Variants in IP6K1 observed in about 807,000 individuals in gnomAD.
IP6K1 encodes the protein inositol hexakisphosphate kinase 1.
In IP6K1, 13 loss-of-function variants were observed where a neutral mutation model predicts 38.3. That is an observed-to-expected ratio of 0.34 (90% CI 0.22 to 0.54). IP6K1 has a LOEUF of 0.54. Among genes scored for constraint, IP6K1 ranks in the 20% least tolerant of loss-of-function variants. The pLI is 0.92. For missense variants in IP6K1, 397 were observed against 599.8 expected, an observed-to-expected ratio of 0.66 and a Z score of 3.53; for synonymous variants, 212 against 229.9, an observed-to-expected ratio of 0.92 and a Z score of 0.70.
At chr3:49,729,910 T>TG (rs1235650485) in intron 4 of IP6K1, among the ~76,000 whole-genome samples, 1 of 151,940 alleles carries the variant, frequency 6.6e-6, no homozygotes, top group Non-Finnish European at 1.5e-5. Flanking sequence ...TTATTTTTTT[T>TG]GAGACAGAGT....
chr3:49,726,943 T>C lies in IP6K1; in HGVS notation c.*179A>G. The C allele has an allele frequency of 1.6e-6, 1 of 633,370 alleles. No individual in the cohort carries two copies. Among genetic ancestry groups the C allele is most frequent in the Non-Finnish European group, 2.6e-6 (1 of 379,102 alleles). The allele number at this position is 633,370 out of a possible 1,614,324, so 39.2% of individuals were successfully genotyped here. On this transcript the variant is annotated 3_prime_UTR_variant, in exon 6 of 6. Coordinates refer to ENST00000321599, the MANE Select transcript of IP6K1 (RefSeq NM_153273.4). ...AGCCTGGCTGAGAGGGCGTGTGGTC[T>C]GCCCTCCTTCACTTTATATATATGG...
intron 1 of IP6K1, among the ~76,000 whole-genome samples, chr3:49,755,226 C>T (rs759303869): frequency 4.0e-5 from 6 of 151,808 alleles, no homozygotes; most frequent in African/African-American, 1.5e-4. Flanking sequence ...CATGAGCCAC[C>T]ATGCCCAGCC....
chr3:49,770,535 C>T (rs999035731), intron 1 of IP6K1, among the ~76,000 whole-genome samples: 11 of 151,998 alleles, frequency 7.2e-5, no homozygotes, highest in Admixed American at 1.3e-4. Context: ...GTCTTAGCTA[C>T]GCGGGAGGCT....
Position 49,725,653 on chromosome 3 carries a change from G to A in IP6K1, c.*1469C>T, listed in dbSNP as rs2080493272. The A allele has an allele frequency of 6.5e-6, 1 of 152,832 alleles. No individual in the cohort carries two copies. Among genetic ancestry groups the A allele is most frequent in the East Asian group, 1.9e-4 (1 of 5,184 alleles). The allele number at this position is 152,832 out of a possible 1,614,324, so 9.5% of individuals were successfully genotyped here. A position where few individuals can be genotyped will look rare whatever the true frequency, so the allele number is the denominator to read the frequency against. ...GCTCAAAGGAGAGGGTGCTAACCTTGGCAATGGCTGAAATCGGTGTCACCT... is the reference window on the plus strand; with the variant it reads ...GCTCAAAGGAGAGGGTGCTAACCTTAGCAATGGCTGAAATCGGTGTCACCT... On this transcript the variant is annotated 3_prime_UTR_variant, in exon 6 of 6. Transcript: ENST00000321599.
chr3:49,758,060 A>G (rs1352232222), intron 1 of IP6K1, among the ~76,000 whole-genome samples: 1 of 152,172 alleles, frequency 6.6e-6, no homozygotes, highest in Non-Finnish European at 1.5e-5. Flanking sequence ...CTGCAATCCC[A>G]GCACTTTGGG....
At chr3:49,747,019 C>T (rs769561154) in intron 2 of IP6K1, among the ~76,000 whole-genome samples, 7 of 152,040 alleles carry the variant, frequency 4.6e-5, no homozygotes, top group Non-Finnish European at 8.8e-5. Flanking sequence ...AAATTATACA[C>T]TTTAAAATGG....
Position 49,726,977 on chromosome 3 carries a change from C to G in IP6K1, c.*145G>C. 1 of 837,802 alleles carries G rather than the reference C, an allele frequency of 1.2e-6. No individual in the cohort carries two copies. The highest frequency in any genetic ancestry group is 1.8e-6 in the Non-Finnish European group (1 of 542,260). The allele number at this position is 837,802 out of a possible 1,614,324, so 51.9% of individuals were successfully genotyped here. On this transcript the variant is annotated 3_prime_UTR_variant, in exon 6 of 6. Transcript: ENST00000321599. Reference sequence around the variant, plus strand: ...TCACTTTATATATATGGATTCCAGGCTACAGCTAAAAACATTTCTTTTAGT... The same window carrying G: ...TCACTTTATATATATGGATTCCAGGGTACAGCTAAAAACATTTCTTTTAGT...
intron 1 of IP6K1, among the ~76,000 whole-genome samples, chr3:49,757,075 A>G (rs1448842420): frequency 6.6e-6 from 1 of 152,218 alleles, no homozygotes; most frequent in Non-Finnish European, 1.5e-5. Context: ...ACAAAACCAC[A>G]GAGCACTTAA....
chr3:49,746,910 G>T (rs2080725602), intron 2 of IP6K1, among the ~76,000 whole-genome samples: 1 of 152,094 alleles, frequency 6.6e-6, no homozygotes, highest in South Asian at 2.1e-4. Context: ...TGGAAGAATG[G>T]GGAGTTATTA....
chr3:49,772,024 G>A (rs191168799), intron 1 of IP6K1, among the ~76,000 whole-genome samples: 2 of 151,824 alleles, frequency 1.3e-5, no homozygotes, highest in Non-Finnish European at 2.9e-5. Context: ...GACCAACCTG[G>A]GCAACATGGC....
At chr3:49,774,166 G>A (rs539881060) in intron 1 of IP6K1, among the ~76,000 whole-genome samples, 8 of 152,146 alleles carry the variant, frequency 5.3e-5, no homozygotes, top group Admixed American at 5.2e-4. Flanking sequence ...AGCACTTTGG[G>A]AGGCCAAGGC....
chr3:49,743,792 G>C (rs2080695734), intron 2 of IP6K1, among the ~76,000 whole-genome samples: 1 of 151,792 alleles, frequency 6.6e-6, no homozygotes, highest in Admixed American at 6.6e-5. Flanking sequence ...ACTAAGTTTT[G>C]TATTTTTAGT....
intron 1 of IP6K1, among the ~76,000 whole-genome samples, chr3:49,774,324 C>T (rs1341517328): frequency 1.4e-5 from 2 of 139,646 alleles, no homozygotes; most frequent in South Asian, 4.6e-4. Context: ...AGGAGAATGG[C>T]GTGAACCCAG....
Position 49,727,535 on chromosome 3 carries a change from G to A in IP6K1, c.913C>T (p.Arg305Cys), listed in dbSNP as rs2080520019. The change falls in exon 6 of 6, where the codon CGT becomes TGT. Residue 305 changes from arginine to cysteine, a missense_variant. This residue lies in a region of IP6K1 where 164 missense variants were observed against 213.5 expected (regional missense o/e 0.77). Coordinates refer to ENST00000321599, the MANE Select transcript of IP6K1 (RefSeq NM_153273.4). This position sits in a 1 kb window ranked among gnomAD's most constrained non-coding sequence, Gnocchi z 5.9. Reference protein sequence around the residue: ...QYLHNGLDLRRDLFEPILSKL... With the variant: ...QYLHNGLDLRCDLFEPILSKL... ...CTCAGGATAGGCTCAAACAGGTCAC[G>A]TCGCAGGTCCAGGCCATTGTGCAGA... The A allele has an allele frequency of 8.7e-6, 14 of 1,614,180 alleles. No homozygotes were observed. The East Asian group carries it at 1.6e-4, about 18-fold the overall frequency.
At chr3:49,741,847 T>A (rs2080671444) in intron 2 of IP6K1, among the ~76,000 whole-genome samples, 1 of 152,148 alleles carries the variant, frequency 6.6e-6, no homozygotes, top group African/African-American at 2.4e-5. Context: ...ATTACAACCA[T>A]CAGAACTGGG....
intron 1 of IP6K1, among the ~76,000 whole-genome samples, chr3:49,756,817 C>CAA (rs59808252): frequency 2.3e-5 from 3 of 133,262 alleles, no homozygotes; most frequent in African/African-American, 8.7e-5. Context: ...AACTCCATCT[C>CAA]AAAAAAAAAA....
chr3:49,734,801 C>T (rs1024959104), intron 3 of IP6K1, among the ~76,000 whole-genome samples: 4 of 152,158 alleles, frequency 2.6e-5, no homozygotes, highest in African/African-American at 9.7e-5. Flanking sequence ...CTGGATGAAG[C>T]CCCCACGGTA....
chr3:49,731,039 C>T (rs1423093161), intron 4 of IP6K1, among the ~76,000 whole-genome samples: 1 of 151,426 alleles, frequency 6.6e-6, no homozygotes, highest in African/African-American at 2.4e-5. Flanking sequence ...CAATTTGAAA[C>T]CAGTGAATGA....
intron 3 of IP6K1, among the ~76,000 whole-genome samples, chr3:49,736,389 C>A (rs1226591086): frequency 6.6e-6 from 1 of 152,178 alleles, no homozygotes; most frequent in Non-Finnish European, 1.5e-5. Flanking sequence ...CTCCTAACTA[C>A]TAACAGAAAG....
Sources: gnomAD v4.1 joint callset for allele counts (sites outside exome capture counted in the v4.1 genomes callset) on GRCh38, gnomAD v4.1.1 for gene constraint, gnomAD v4.1.1 regional missense constraint, Gnocchi (gnomAD v3.1) non-coding constraint, MANE v1.5 for transcripts, NCBI Gene and HGNC (gene_info 2026-07-23, HGNC 2026-07-21) for gene names.